ASXL3: variants seen among roughly 807,000 people sequenced by gnomAD.
ASXL3 encodes the protein putative Polycomb group protein ASXL3.
In ASXL3, 34 loss-of-function variants were observed where a neutral mutation model predicts 170.6. The ratio of observed to expected loss-of-function variants is 0.20; its 90% CI spans 0.15 to 0.27. The LOEUF is 0.27. Among genes scored for constraint, ASXL3 ranks in the 10% least tolerant of loss-of-function variants. The pLI, the probability that ASXL3 is intolerant of heterozygous loss-of-function variation, is 1.00. For missense variants in ASXL3, 2,592 were observed against 2,695.3 expected, an observed-to-expected ratio of 0.96 and a Z score of 0.85; for synonymous variants, 1,002 against 989.1, an observed-to-expected ratio of 1.01 and a Z score of -0.24.
chr18:33,588,022 T>A (rs1239328298), intron 1 of ASXL3, among the ~76,000 whole-genome samples: 1 of 152,148 alleles, frequency 6.6e-6, no homozygotes, highest in Non-Finnish European at 1.5e-5. Context: ...TCTGTCTTAA[T>A]GTTTATGGGT....
At chr18:33,711,082 C>G (rs1297729001) in intron 8 of ASXL3, among the ~76,000 whole-genome samples, 1 of 151,876 alleles carries the variant, frequency 6.6e-6, no homozygotes, top group African/African-American at 2.4e-5. Flanking sequence ...TATTTTAGCC[C>G]CAGAGTCCAA....
At chr18:33,600,732 AT>A (rs2065175708) in intron 1 of ASXL3, among the ~76,000 whole-genome samples, 1 of 152,106 alleles carries the variant, frequency 6.6e-6, no homozygotes, top group African/African-American at 2.4e-5. Context: ...ATTGCATAGA[AT>A]TTCATCTGCA....
chr18:33,581,864 G>A (rs979512746), intron 1 of ASXL3, among the ~76,000 whole-genome samples: 9 of 152,180 alleles, frequency 5.9e-5, no homozygotes, highest in African/African-American at 1.4e-4. Context: ...CAATTTGCCT[G>A]TGTTTTCAGG....
chr18:33,658,831 T>A (rs2145227213), intron 4 of ASXL3, among the ~76,000 whole-genome samples: 1 of 152,130 alleles, frequency 6.6e-6, no homozygotes, highest in South Asian at 2.1e-4. Context: ...CAAATAAAGT[T>A]GGGTTAAGGA....
At chr18:33,667,324 AG>A (rs768000071) in intron 5 of ASXL3, among the ~76,000 whole-genome samples, 5 of 152,174 alleles carry the variant, frequency 3.3e-5, no homozygotes, top group Non-Finnish European at 7.3e-5. Flanking sequence ...ACCCTTTCCC[AG>A]TGAAATTTCT....
intron 1 of ASXL3, among the ~76,000 whole-genome samples, chr18:33,596,148 A>G (rs1284753055): frequency 6.6e-6 from 1 of 152,192 alleles, no homozygotes; most frequent in Non-Finnish European, 1.5e-5. Flanking sequence ...ACCACTAGAA[A>G]CAGGGTAGGC....
At chr18:33,674,338 T>C (rs542090554) in intron 7 of ASXL3, among the ~76,000 whole-genome samples, 1 of 152,208 alleles carries the variant, frequency 6.6e-6, no homozygotes, top group East Asian at 1.9e-4. Flanking sequence ...AATTGTAAGA[T>C]TTCTCACCCT....
intron 1 of ASXL3, among the ~76,000 whole-genome samples, chr18:33,588,756 C>T (rs140146674): frequency 6.6e-6 from 1 of 152,158 alleles, no homozygotes; most frequent in African/African-American, 2.4e-5. Context: ...AGTGAAATAT[C>T]TCCATTTGCA....
chr18:33,686,394 G>T (rs886652697), intron 8 of ASXL3, among the ~76,000 whole-genome samples: 2 of 152,188 alleles, frequency 1.3e-5, no homozygotes, highest in African/African-American at 2.4e-5. Context: ...AAACCAGTTA[G>T]AATCACATAA....
intron 1 of ASXL3, among the ~76,000 whole-genome samples, chr18:33,597,818 AAAAAC>A (rs2065143991): frequency 6.6e-6 from 1 of 151,984 alleles, no homozygotes; most frequent in Non-Finnish European, 1.5e-5. Flanking sequence ...AAAAAAAACA[AAAAAC>A]AAACAAAACA....
At chr18:33,629,410 G>A (rs2065645373) in intron 2 of ASXL3, among the ~76,000 whole-genome samples, 1 of 152,112 alleles carries the variant, frequency 6.6e-6, no homozygotes, top group African/African-American at 2.4e-5. Context: ...GATATCCCAA[G>A]TTGTGTTTTT....
chr18:33,611,085 A>G (rs1030192293), intron 2 of ASXL3, among the ~76,000 whole-genome samples: 2 of 152,094 alleles, frequency 1.3e-5, no homozygotes, highest in Non-Finnish European at 2.9e-5. Flanking sequence ...ATTGTATGCT[A>G]TATTTTCCTC....
chr18:33,672,316 A>G (rs529846071), intron 7 of ASXL3, among the ~76,000 whole-genome samples: 2 of 152,212 alleles, frequency 1.3e-5, no homozygotes, highest in African/African-American at 2.4e-5. Context: ...CTTTTTGTCT[A>G]TGCTTCTTAA....
Position 33,744,006 on chromosome 18 carries a change from C to T in ASXL3, c.4158C>T (p.Ser1386=). The T allele has an allele frequency of 1.2e-6, 2 of 1,614,038 alleles. No homozygotes were observed. The highest frequency in any genetic ancestry group is 1.7e-5 in the Admixed American group (1 of 60,018). The change falls in exon 12 of 12, where the codon TCC becomes TCT. Residue 1386 remains serine, a synonymous_variant. Transcript: ENST00000269197. ...IPGSEEQATV[S]MGTTVRAALS... The stretch of plus-strand genomic sequence containing the variant: ...GGAGTGAAGAACAGGCCACTGTATC[C>T]ATGGGTACCACTGTGAGAGCAGCCC...
At chr18:33,650,288 A>T (rs759307505) in intron 4 of ASXL3, among the ~76,000 whole-genome samples, 7 of 152,114 alleles carry the variant, frequency 4.6e-5, no homozygotes, top group Non-Finnish European at 1.0e-4. Flanking sequence ...ATGGCATGAG[A>T]TACAATGCTG....
In ASXL3 at chr18:33,745,468, T is replaced by G; in HGVS notation, c.5620T>G (p.Phe1874Val). The change falls in exon 12 of 12, where the codon TTT becomes GTT. Residue 1874 changes from phenylalanine to valine, a missense_variant. By Grantham distance (50) the Phe-to-Val change is conservative (BLOSUM62 -1). Coordinates refer to ENST00000269197, the MANE Select transcript of ASXL3 (RefSeq NM_030632.3). ...CAGTCAGCTAGGACACAGCCAGCCA[T>G]TTAAGCAAGAATGGCTAAACAAGCA... is the stretch of plus-strand genomic sequence containing the variant. ...GISQLGHSQP[F>V]KQEWLNKHSM... 1 of 1,614,004 alleles carries G rather than the reference T, an allele frequency of 6.2e-7. No homozygotes were observed. Among genetic ancestry groups the G allele is most frequent in the Non-Finnish European group, 8.5e-7 (1 of 1,179,904 alleles).
intron 1 of ASXL3, among the ~76,000 whole-genome samples, chr18:33,582,153 C>G (rs2064998712): frequency 1.3e-5 from 2 of 152,164 alleles, no homozygotes; most frequent in Admixed American, 1.3e-4. Context: ...TATCTTCTGT[C>G]TTAATATTTG....
At chr18:33,736,687 T>C (rs1487438162) in intron 10 of ASXL3, among the ~76,000 whole-genome samples, 2 of 152,188 alleles carry the variant, frequency 1.3e-5, no homozygotes, top group African/African-American at 4.8e-5. Context: ...TATTATTGTA[T>C]ATTTGGTTTA....
intron 5 of ASXL3, among the ~76,000 whole-genome samples, chr18:33,663,995 G>T (rs1231280229): frequency 2.6e-5 from 4 of 152,006 alleles, no homozygotes; most frequent in Non-Finnish European, 2.9e-5. Flanking sequence ...TCTTGTGTAT[G>T]TATACATGCA....
Sources: allele counts gnomAD v4.1 joint callset (sites outside exome capture counted in the v4.1 genomes callset), GRCh38; gene constraint gnomAD v4.1.1; transcripts MANE v1.5; gene names NCBI Gene and HGNC (gene_info 2026-07-23, HGNC 2026-07-21).